The following AMBRA1 variants were observed in gnomAD, a reference collection of about 807,000 sequenced individuals.
The protein encoded by AMBRA1 is activating molecule in BECN1-regulated autophagy protein 1.
In AMBRA1, 47 loss-of-function variants were observed where a neutral mutation model predicts 125.4. That is an observed-to-expected ratio of 0.37 (90% CI 0.30 to 0.48). AMBRA1 has a LOEUF of 0.48. Among genes scored for constraint, AMBRA1 ranks in the 20% least tolerant of loss-of-function variants. AMBRA1 has a pLI of 0.99. For synonymous variants in AMBRA1, 626 were observed against 655.5 expected (o/e 0.95, Z 0.69); for missense variants, 1,331 against 1,693.4 (o/e 0.79, Z 3.76).
chr11:46,405,879 G>A (rs1309898645), intron 17 of AMBRA1, among the ~76,000 whole-genome samples: 2 of 151,334 alleles, frequency 1.3e-5, no homozygotes, highest in Admixed American at 1.3e-4. Context: ...CTACAGATGC[G>A]TGCCACCATG....
At chr11:46,558,858 A>C (rs937893712) in intron 1 of AMBRA1, among the ~76,000 whole-genome samples, 6 of 152,198 alleles carry the variant, frequency 3.9e-5, no homozygotes, top group Admixed American at 2.6e-4. Context: ...GAAGAGCATG[A>C]GTATGTGTAT....
At chr11:46,508,809 A>C (rs930899869) in intron 8 of AMBRA1, among the ~76,000 whole-genome samples, 3 of 152,254 alleles carry the variant, frequency 2.0e-5, no homozygotes, top group Admixed American at 1.3e-4. Context: ...ACAGATGAGA[A>C]AAGATGCCAG....
chr11:46,557,443 G>C (rs2043193427), intron 1 of AMBRA1, among the ~76,000 whole-genome samples: 2 of 152,180 alleles, frequency 1.3e-5, no homozygotes, highest in South Asian at 4.1e-4. Flanking sequence ...GGCAAAATGA[G>C]ACCGTCCACT....
intron 11 of AMBRA1, among the ~76,000 whole-genome samples, chr11:46,456,200 T>C (rs1024229546): frequency 1.3e-5 from 2 of 151,916 alleles, no homozygotes; most frequent in African/African-American, 4.8e-5. Flanking sequence ...CCAAAAAACG[T>C]AGTGTTAAGG....
At chr11:46,539,098 C>T (rs954470170) in intron 7 of AMBRA1, among the ~76,000 whole-genome samples, 14 of 151,062 alleles carry the variant, frequency 9.3e-5, no homozygotes, top group African/African-American at 3.4e-4. Context: ...ATCTAGGTGC[C>T]GGGAGCAGAC....
At chr11:46,483,296 C>T (rs1378620777) in intron 11 of AMBRA1, among the ~76,000 whole-genome samples, 1 of 152,214 alleles carries the variant, frequency 6.6e-6, no homozygotes. Flanking sequence ...GGAGTCTTAA[C>T]ACTCCCAAAG....
chr11:46,475,339 G>C (rs1209225719), intron 11 of AMBRA1, among the ~76,000 whole-genome samples: 1 of 152,206 alleles, frequency 6.6e-6, no homozygotes, highest in East Asian at 1.9e-4. Flanking sequence ...AAAGCCAAAA[G>C]GGAAGATAGA....
chr11:46,421,247 G>A (rs968436356), intron 14 of AMBRA1, among the ~76,000 whole-genome samples: 1 of 152,218 alleles, frequency 6.6e-6, no homozygotes, highest in Non-Finnish European at 1.5e-5. Context: ...GCAGTGGCAA[G>A]AGTCATGGGG....
intron 1 of AMBRA1, among the ~76,000 whole-genome samples, chr11:46,577,474 G>A (rs1322022710): frequency 6.6e-6 from 1 of 152,096 alleles, no homozygotes; most frequent in Non-Finnish European, 1.5e-5. Context: ...GCAGAATAAG[G>A]ACAAACTGCT....
chr11:46,575,966 T>C (rs993286691), intron 1 of AMBRA1, among the ~76,000 whole-genome samples: 3 of 152,196 alleles, frequency 2.0e-5, no homozygotes, highest in African/African-American at 7.2e-5. Context: ...TCTTCATGTA[T>C]AACCAGGGAC....
In AMBRA1 at chr11:46,433,494, C is replaced by T; in HGVS notation, c.2956G>A (p.Gly986Ser). 1 of 1,614,164 alleles carries T rather than the reference C, an allele frequency of 6.2e-7. No homozygotes were observed. Among genetic ancestry groups the T allele is most frequent in the Non-Finnish European group, 8.5e-7 (1 of 1,180,014 alleles). The part of the protein sequence containing the change: ...AQVFRLQQAH[G>S]GETSMRRVFN... The stretch of plus-strand genomic sequence containing the variant: ...CTCACCCTCATGGAGGTCTCTCCAC[C>T]ATGGGCCTGTTGCAGCCTGAAGACC... Residue 986 changes from glycine (G) to serine (S), a missense_variant, in exon 14 of 18, where the codon GGT becomes AGT. Gly to Ser is a moderately conservative substitution (Grantham distance 56). Transcript: ENST00000683756.
intron 8 of AMBRA1, among the ~76,000 whole-genome samples, chr11:46,511,886 G>T (rs1350217017): frequency 6.6e-6 from 1 of 151,716 alleles, no homozygotes; most frequent in Non-Finnish European, 1.5e-5. Context: ...ACAGAGTCTT[G>T]CTCTGTCACC....
intron 9 of AMBRA1, among the ~76,000 whole-genome samples, chr11:46,495,783 C>T (rs1261763446): frequency 6.6e-6 from 1 of 152,194 alleles, no homozygotes; most frequent in Non-Finnish European, 1.5e-5. Flanking sequence ...TGATAAATTA[C>T]TAATTCATTT....
intron 5 of AMBRA1, 94 bp downstream of exon 5, chr11:46,545,510 G>T (rs780144278): frequency 1.2e-4 from 173 of 1,452,974 alleles, no homozygotes; most frequent in Middle Eastern, 7.7e-4. Flanking sequence ...CCCTGAGCAG[G>T]GATAACAACC....
chr11:46,523,317 A>G (rs1951835471), intron 7 of AMBRA1, among the ~76,000 whole-genome samples: 1 of 152,168 alleles, frequency 6.6e-6, no homozygotes, highest in African/African-American at 2.4e-5. Context: ...TTTGGACTCA[A>G]CATTTGACTC....
chr11:46,551,313 T>C (rs1255389640), intron 1 of AMBRA1, among the ~76,000 whole-genome samples: 1 of 144,400 alleles, frequency 6.9e-6, no homozygotes, highest in Non-Finnish European at 1.5e-5. Flanking sequence ...TGTGGGGACT[T>C]TATTTTTATT....
intron 8 of AMBRA1, among the ~76,000 whole-genome samples, chr11:46,509,118 G>A (rs2135040683): frequency 6.6e-6 from 1 of 152,324 alleles, no homozygotes; most frequent in South Asian, 2.1e-4. Context: ...CGTGGGCACT[G>A]GGCAATATGG....
Position 46,474,457 on chromosome 11 carries a change from C to T in AMBRA1, c.2521+19151G>A, listed in dbSNP as rs960450622. Among the ~76,000 whole-genome samples the T allele has an allele frequency of 7.2e-5, 11 of 152,056 alleles. No individual in the cohort carries two copies. In the East Asian group the frequency reaches 1.4e-3, roughly 19 times the overall value. On this transcript the variant is annotated intron_variant, in intron 11 of 17. Coordinates refer to ENST00000683756, the MANE Select transcript of AMBRA1 (RefSeq NM_001387011.1). ...AGGCTGGAGTGCAGTGGTACAATCT[C>T]GGCTCACTGCAACCTCCACCTCCCA...
intron 12 of AMBRA1, among the ~76,000 whole-genome samples, chr11:46,435,463 C>T (rs1258014668): frequency 6.6e-6 from 1 of 152,160 alleles, no homozygotes; most frequent in Non-Finnish European, 1.5e-5. Context: ...TTTCTTGGGG[C>T]AGGAATCCTA....
Sources: allele counts gnomAD v4.1 joint callset (sites outside exome capture counted in the v4.1 genomes callset), GRCh38; gene constraint gnomAD v4.1.1; transcripts MANE v1.5; gene names NCBI Gene and HGNC (gene_info 2026-07-23, HGNC 2026-07-21).